Variants in MDGA2 observed in about 807,000 individuals in gnomAD.
The protein encoded by MDGA2 is MAM domain-containing glycosylphosphatidylinositol anchor protein 2.
In MDGA2, 40 loss-of-function variants were observed where a neutral mutation model predicts 117.8. The ratio of observed to expected loss-of-function variants is 0.34; its 90% CI spans 0.26 to 0.44. The LOEUF is 0.44. Ranked by LOEUF, MDGA2 falls within the 20% of genes least tolerant of loss-of-function variation. MDGA2 has a pLI of 1.00. For missense variants in MDGA2, 1,123 were observed against 1,250.6 expected (o/e 0.90, Z 1.54); for synonymous variants, 452 against 439.0 (o/e 1.03, Z -0.37).
intron 1 of MDGA2, among the ~76,000 whole-genome samples, chr14:47,582,157 AT>A (rs1178439082): frequency 6.6e-6 from 1 of 151,864 alleles, no homozygotes; most frequent in African/African-American, 2.4e-5. Context: ...TTCATTACTT[AT>A]GTCTTAATTC....
chr14:47,015,385 G>A (rs1228140725), intron 8 of MDGA2, among the ~76,000 whole-genome samples: 2 of 149,590 alleles, frequency 1.3e-5, no homozygotes, highest in Non-Finnish European at 3.0e-5. Flanking sequence ...AAAAAACACA[G>A]TATGTGAAAG....
intron 1 of MDGA2, among the ~76,000 whole-genome samples, chr14:47,545,660 A>G (rs1895447959): frequency 6.6e-6 from 1 of 152,204 alleles, no homozygotes; most frequent in Non-Finnish European, 1.5e-5. Flanking sequence ...CTGTGGTTTC[A>G]ATCAATGACA....
At chr14:47,472,927 T>A (rs1893759262) in intron 1 of MDGA2, among the ~76,000 whole-genome samples, 1 of 151,930 alleles carries the variant, frequency 6.6e-6, no homozygotes, top group Non-Finnish European at 1.5e-5. Flanking sequence ...AAATGTTACT[T>A]CTTGTTGATA....
intron 2 of MDGA2, among the ~76,000 whole-genome samples, chr14:47,294,556 G>A (rs1403898886): frequency 4.0e-5 from 6 of 151,422 alleles, no homozygotes; most frequent in South Asian, 2.1e-4. Context: ...TATCACAGAC[G>A]AAAAAAAGCA....
At chr14:47,200,159 T>C (rs958566001) in intron 3 of MDGA2, among the ~76,000 whole-genome samples, 2 of 151,962 alleles carry the variant, frequency 1.3e-5, no homozygotes, top group African/African-American at 4.8e-5. Context: ...ATATTCTATA[T>C]AGTAATAAGG....
intron 1 of MDGA2, among the ~76,000 whole-genome samples, chr14:47,573,378 T>TTATA (rs1896057052): frequency 1.3e-5 from 2 of 152,176 alleles, no homozygotes; most frequent in Non-Finnish European, 2.9e-5. Context: ...ATCAGCCACA[T>TTATA]TATAATCTTT....
At chr14:47,419,097 A>T (rs892176388) in intron 1 of MDGA2, among the ~76,000 whole-genome samples, 1 of 152,192 alleles carries the variant, frequency 6.6e-6, no homozygotes, top group African/African-American at 2.4e-5. Context: ...TCACACTGTT[A>T]TATCAGTTAT....
chr14:47,622,244 G>C (rs535590252), intron 1 of MDGA2, among the ~76,000 whole-genome samples: 1 of 152,260 alleles, frequency 6.6e-6, no homozygotes, highest in African/African-American at 2.4e-5. Flanking sequence ...GATTTGGAGG[G>C]GGATGGGAGA....
chr14:46,896,292 T>C (rs1232113574), intron 10 of MDGA2, among the ~76,000 whole-genome samples: 1 of 152,138 alleles, frequency 6.6e-6, no homozygotes, highest in South Asian at 2.1e-4. Context: ...CCTAAAATTA[T>C]AGACATAGAA....
At chr14:47,022,984 G>A (rs557504123) in intron 8 of MDGA2, among the ~76,000 whole-genome samples, 14 of 152,088 alleles carry the variant, frequency 9.2e-5, no homozygotes, top group African/African-American at 2.6e-4. Flanking sequence ...AACCAATCGC[G>A]TCTCTGTAGT....
intron 1 of MDGA2, among the ~76,000 whole-genome samples, chr14:47,408,467 A>G (rs1892306358): frequency 6.6e-6 from 1 of 152,216 alleles, no homozygotes; most frequent in Non-Finnish European, 1.5e-5. Context: ...GAAATCAGAG[A>G]TAGTTTATGC....
At chr14:47,635,792 G>T (rs941934927) in intron 1 of MDGA2, among the ~76,000 whole-genome samples, 5 of 152,100 alleles carry the variant, frequency 3.3e-5, no homozygotes, top group African/African-American at 1.2e-4. Flanking sequence ...CTGATTTGCT[G>T]TCAGGAAAAT....
At position 46,923,797 on chromosome 14, in the gene MDGA2, C is replaced by T. The variant is rs192394618; in HGVS notation, c.2090-3637G>A. Among the ~76,000 whole-genome samples the T allele has an allele frequency of 5.3e-3, 813 of 152,082 alleles. 13 individuals carry two copies. Among genetic ancestry groups the T allele is most frequent in the African/African-American group, 0.019 (788 of 41,544 alleles). ...CAATTATACTTTATGCTTATATATT[C>T]ATTCATAAGAAAGACACAGTAAAAC... On this transcript the variant is annotated intron_variant, in intron 9 of 16. Transcript: ENST00000399232.
intron 1 of MDGA2, among the ~76,000 whole-genome samples, chr14:47,620,658 A>T (rs751828766): frequency 1.3e-5 from 2 of 152,200 alleles, no homozygotes; most frequent in Non-Finnish European, 2.9e-5. Flanking sequence ...TCAGAGTATC[A>T]ACAATTTTTA....
chr14:47,629,796 A>G (rs1157061447), intron 1 of MDGA2, among the ~76,000 whole-genome samples: 1 of 152,176 alleles, frequency 6.6e-6, no homozygotes, highest in African/African-American at 2.4e-5. Context: ...CTCATTAGAA[A>G]ATGTCTACTA....
At chr14:47,520,842 G>T (rs1894854363) in intron 1 of MDGA2, among the ~76,000 whole-genome samples, 1 of 152,084 alleles carries the variant, frequency 6.6e-6, no homozygotes, top group Non-Finnish European at 1.5e-5. Flanking sequence ...TTGAGTTAAA[G>T]ATAAATTCAG....
intron 1 of MDGA2, among the ~76,000 whole-genome samples, chr14:47,508,880 C>T (rs1459593081): frequency 2.0e-5 from 3 of 152,014 alleles, no homozygotes; most frequent in South Asian, 2.1e-4. Context: ...TTAGTAGAGA[C>T]GAAGTTTTAC....
intron 3 of MDGA2, among the ~76,000 whole-genome samples, chr14:47,188,764 A>G (rs1398950278): frequency 6.6e-6 from 1 of 152,190 alleles, no homozygotes; most frequent in Non-Finnish European, 1.5e-5. Flanking sequence ...ATATTCAAAA[A>G]GATGATTGGA....
At position 47,274,820 on chromosome 14, in the gene MDGA2, G is replaced by A. The variant is rs569743305; in HGVS notation, c.420+26591C>T. Among the ~76,000 whole-genome samples, 3 of 152,224 alleles carry A rather than the reference G, an allele frequency of 2.0e-5. No individual in the cohort carries two copies. In the South Asian group the frequency reaches 6.2e-4, roughly 32 times the overall value. On this transcript the variant is annotated intron_variant, in intron 2 of 16. Coordinates refer to ENST00000399232, the MANE Select transcript of MDGA2 (RefSeq NM_001113498.3). ...TTGCATTTCCCTAATGACTAAAGAT[G>A]TTGAGCATGTATTTTACGCACTTAT...
Sources: allele counts gnomAD v4.1 joint callset (sites outside exome capture counted in the v4.1 genomes callset), GRCh38; gene constraint gnomAD v4.1.1; transcripts MANE v1.5; gene names NCBI Gene and HGNC (gene_info 2026-07-23, HGNC 2026-07-21).